The following TGFBRAP1 variants were observed in gnomAD, a reference collection of about 807,000 sequenced individuals.
TGFBRAP1 encodes transforming growth factor beta receptor associated protein 1, also known as transforming growth factor-beta receptor-associated protein 1.
In TGFBRAP1, 20 loss-of-function variants were observed where a neutral mutation model predicts 83.2. The observed-to-expected ratio is 0.24, with a 90% CI of 0.17 to 0.35. The LOEUF is 0.35. Among genes scored for constraint, TGFBRAP1 ranks in the 10% least tolerant of loss-of-function variants. TGFBRAP1 has a pLI of 1.00. For synonymous variants in TGFBRAP1, 415 were observed against 459.8 expected, an observed-to-expected ratio of 0.90 and a Z score of 1.25; for missense variants, 950 against 1,099.4, an observed-to-expected ratio of 0.86 and a Z score of 1.92.
chr2:105,260,502 C>T (rs1676764642), downstream of TGFBRAP1, among the ~76,000 whole-genome samples: 1 of 152,182 alleles, frequency 6.6e-6, no homozygotes, highest in African/African-American at 2.4e-5. Context: ...CAAAAGGACA[C>T]ACACTGTGTG....
intron 4 of TGFBRAP1, among the ~76,000 whole-genome samples, chr2:105,290,562 T>C (rs1052005514): frequency 1.3e-5 from 2 of 151,708 alleles, no homozygotes; most frequent in African/African-American, 4.8e-5. Context: ...AGGATGTGTA[T>C]ATGAGAGAAA....
Position 105,300,252 on chromosome 2 carries a change from G to A in TGFBRAP1, c.689-1547C>T, listed in dbSNP as rs78286884. ...TGTATATAGGTACTGTGTGATAGGCGTTACAAGTAATCTTTCAATTTGCTT... is the reference window on the plus strand; with the variant it reads ...TGTATATAGGTACTGTGTGATAGGCATTACAAGTAATCTTTCAATTTGCTT... On this transcript the variant is annotated intron_variant, in intron 2 of 11. Coordinates refer to ENST00000393359, the MANE Select transcript of TGFBRAP1 (RefSeq NM_004257.6). 2.4e-3 allele frequency among the ~76,000 whole-genome samples: 365 copies of A among 152,166 alleles called. 10 individuals carry two copies. The East Asian group carries it at 0.053, about 22-fold the overall frequency.
chr2:105,275,229 C>T (rs1558630300), intron 8 of TGFBRAP1, among the ~76,000 whole-genome samples: 1 of 152,168 alleles, frequency 6.6e-6, no homozygotes. Context: ...TGTCAGACTT[C>T]TGAGGGGTCG....
intron 6 of TGFBRAP1, among the ~76,000 whole-genome samples, chr2:105,279,675 T>G (rs1459101795): frequency 1.4e-5 from 2 of 142,550 alleles, no homozygotes; most frequent in Non-Finnish European, 3.2e-5. Context: ...AAATGCACTG[T>G]AAATTTTACC....
intron 1 of TGFBRAP1, among the ~76,000 whole-genome samples, chr2:105,312,872 G>T (rs1480702551): frequency 1.3e-5 from 2 of 152,142 alleles, no homozygotes; most frequent in African/African-American, 4.8e-5. Context: ...AGCACTTTGG[G>T]AGGCCGAGGC....
intron 4 of TGFBRAP1, 80 bp downstream of exon 4, chr2:105,296,276 G>T: frequency 6.5e-7 from 1 of 1,548,420 alleles, no homozygotes; most frequent in Non-Finnish European, 8.8e-7. Context: ...CACAGGAAGG[G>T]CCGATGCATG....
chr2:105,260,723 T>C (rs1394664691), downstream of TGFBRAP1, among the ~76,000 whole-genome samples: 1 of 151,372 alleles, frequency 6.6e-6, no homozygotes, highest in East Asian at 1.9e-4. Flanking sequence ...ACTACACACT[T>C]AAAAATTGTT....
chr2:105,301,410 C>A (rs2104382016), intron 2 of TGFBRAP1, among the ~76,000 whole-genome samples: 1 of 152,014 alleles, frequency 6.6e-6, no homozygotes, highest in East Asian at 1.9e-4. Flanking sequence ...CATGCTGAAA[C>A]CCTGTCTCTA....
chr2:105,267,336 G>T lies in TGFBRAP1; in HGVS notation c.*47C>A. On this transcript the variant is annotated 3_prime_UTR_variant, in exon 12 of 12. Transcript: ENST00000393359. ...GTCATCTGCTCTTCATGTCCAGCAG[G>T]CTCAGAAAGAACTCGGAGTTCCCCT... 6.2e-7 allele frequency: 1 copy of T among 1,605,230 alleles called. No homozygotes were observed. The highest frequency in any genetic ancestry group is 2.2e-5 in the East Asian group (1 of 44,768).
At chr2:105,250,789 G>A in the TGFBRAP1 span, among the ~76,000 whole-genome samples, 10 of 152,162 alleles carry the variant, frequency 6.6e-5, no homozygotes, top group African/African-American at 1.9e-4. Flanking sequence ...GAGTGCCTGC[G>A]ATTGCAGGCG....
intron 6 of TGFBRAP1, among the ~76,000 whole-genome samples, chr2:105,279,525 T>C (rs1256468370): frequency 6.6e-6 from 1 of 151,824 alleles, no homozygotes; most frequent in African/African-American, 2.4e-5. Context: ...CTTCCCAAAA[T>C]GCTGGGATTA....
At chr2:105,278,207 G>A (rs768808669) in intron 6 of TGFBRAP1, among the ~76,000 whole-genome samples, 5 of 151,832 alleles carry the variant, frequency 3.3e-5, no homozygotes, top group Admixed American at 6.6e-5. Context: ...CTTCCAAAAA[G>A]AATCTGATTC....
chr2:105,300,982 G>C (rs1678269043), intron 2 of TGFBRAP1, among the ~76,000 whole-genome samples: 1 of 152,096 alleles, frequency 6.6e-6, no homozygotes, highest in South Asian at 2.1e-4. Context: ...TCAACACTTT[G>C]GGAGGCCAAG....
chr2:105,270,922 T>C (rs953547805), intron 10 of TGFBRAP1, among the ~76,000 whole-genome samples: 2 of 152,238 alleles, frequency 1.3e-5, no homozygotes, highest in African/African-American at 4.8e-5. Flanking sequence ...GGAATCGTTT[T>C]TACAACTTCC....
chr2:105,311,122 A>G (rs1339953601), intron 1 of TGFBRAP1, among the ~76,000 whole-genome samples: 1 of 151,284 alleles, frequency 6.6e-6, no homozygotes, highest in Non-Finnish European at 1.5e-5. Flanking sequence ...GTAGATAGAG[A>G]AGGGGAGAGG....
chr2:105,308,183 C>A lies in TGFBRAP1; in HGVS notation c.119G>T (p.Gly40Val). The change falls in exon 2 of 12, where the codon GGC becomes GTC. Residue 40 changes from glycine to valine, a missense_variant. Physicochemically the swap from Gly to Val is moderately radical, Grantham distance 109. Transcript: ENST00000393359. ...VECCGRDLYV[G>V]TNDCFVYHFL... is the part of the protein sequence containing the mutation. ...GTGGTAGACGAAGCAGTCGTTGGTG[C>A]CCACGTAGAGGTCCCTGCCGCAGCA... 6.2e-7 allele frequency: 1 copy of A among 1,614,214 alleles called. No homozygotes were observed. The highest frequency in any genetic ancestry group is 1.3e-5 in the African/African-American group (1 of 75,068).
At chr2:105,260,062 T>A (rs1319797153), downstream of TGFBRAP1, among the ~76,000 whole-genome samples, 3 of 152,248 alleles carry the variant, frequency 2.0e-5, no homozygotes, top group Non-Finnish European at 4.4e-5. Flanking sequence ...ACACTCTTGG[T>A]GACTACACTA....
intron 2 of TGFBRAP1, among the ~76,000 whole-genome samples, chr2:105,301,309 G>A (rs377234441): frequency 2.6e-5 from 4 of 152,182 alleles, no homozygotes; most frequent in African/African-American, 4.8e-5. Flanking sequence ...AACTGGTCAG[G>A]TGCGATGGCT....
chr2:105,260,050 A>G (rs544241368), downstream of TGFBRAP1, among the ~76,000 whole-genome samples: 44 of 152,362 alleles, frequency 2.9e-4, no homozygotes, highest in African/African-American at 1.0e-3. Flanking sequence ...GTCTATGCAC[A>G]TACACTCTTG....
Sources: allele counts gnomAD v4.1 joint callset (sites outside exome capture counted in the v4.1 genomes callset), GRCh38; gene constraint gnomAD v4.1.1; transcripts MANE v1.5; gene names NCBI Gene and HGNC (gene_info 2026-07-23, HGNC 2026-07-21).